DGKB: variants seen among roughly 807,000 people sequenced by gnomAD.
DGKB encodes diacylglycerol kinase beta.
DGKB carries 67 observed loss-of-function variants against 114.3 expected under a neutral mutation model. The observed-to-expected ratio is 0.59, with a 90% CI of 0.48 to 0.72. DGKB has a LOEUF of 0.72. Ranked by LOEUF, DGKB falls within the 30% of genes least tolerant of loss-of-function variation. DGKB has a pLI of 0.00. For missense variants in DGKB, 907 were observed against 975.2 expected, an observed-to-expected ratio of 0.93 and a Z score of 0.93; for synonymous variants, 398 against 323.1, an observed-to-expected ratio of 1.23 and a Z score of -2.49.
chr7:14,924,937 CCT>C (rs1216946705), intron 1 of DGKB, among the ~76,000 whole-genome samples: 2 of 152,112 alleles, frequency 1.3e-5, no homozygotes, highest in African/African-American at 4.8e-5. Context: ...CTCTCCTTCC[CCT>C]GTCCCCAACC....
intron 1 of DGKB, among the ~76,000 whole-genome samples, chr7:14,861,139 C>G (rs1231633559): frequency 6.6e-6 from 1 of 151,926 alleles, no homozygotes; most frequent in Non-Finnish European, 1.5e-5. Flanking sequence ...TCCTAGACCA[C>G]TGAAATTCTC....
intron 17 of DGKB, among the ~76,000 whole-genome samples, chr7:14,594,676 G>A (rs147944422): frequency 7.9e-5 from 12 of 152,152 alleles, no homozygotes; most frequent in South Asian, 4.1e-4. Context: ...CCATTCTGTC[G>A]TGTGAATGAT....
chr7:14,269,326 G>C (rs1243509688), intron 23 of DGKB: 3 of 152,134 alleles, frequency 2.0e-5, no homozygotes, highest in Non-Finnish European at 4.4e-5. Context: ...CACACTCCAG[G>C]AGAGGGAAAT....
chr7:14,795,784 T>C (rs1841324669), intron 2 of DGKB, among the ~76,000 whole-genome samples: 1 of 152,154 alleles, frequency 6.6e-6, no homozygotes, highest in African/African-American at 2.4e-5. Context: ...GGCTTACTGA[T>C]TATGGCATTT....
upstream of DGKB, among the ~76,000 whole-genome samples, chr7:14,905,790 T>C (rs114359796): frequency 0.02 from 2,976 of 152,282 alleles, 98 homozygotes; most frequent in African/African-American, 0.068. Flanking sequence ...CCAAAGTGCT[T>C]AGAAAGTGGT....
chr7:14,681,056 G>A (rs1467237183), intron 12 of DGKB, among the ~76,000 whole-genome samples: 1 of 151,558 alleles, frequency 6.6e-6, no homozygotes, highest in Non-Finnish European at 1.5e-5. Flanking sequence ...AAAAATAAGA[G>A]GAAGCTCCCT....
intron 21 of DGKB, among the ~76,000 whole-genome samples, chr7:14,472,208 T>C (rs1232444097): frequency 6.6e-6 from 1 of 152,194 alleles, no homozygotes; most frequent in Non-Finnish European, 1.5e-5. Context: ...CCAAATCTCA[T>C]CTTGAATTTC....
chr7:14,438,067 T>C (rs1324783874), intron 21 of DGKB, among the ~76,000 whole-genome samples: 1 of 151,836 alleles, frequency 6.6e-6, no homozygotes, highest in Non-Finnish European at 1.5e-5. Context: ...AATTCTGAAG[T>C]TTCCAAGCAA....
intron 23 of DGKB, among the ~76,000 whole-genome samples, chr7:14,233,707 AGAG>A (rs1792277473): frequency 6.6e-6 from 1 of 152,038 alleles, no homozygotes; most frequent in African/African-American, 2.4e-5. Flanking sequence ...AGGTAGTCCA[AGAG>A]GGAAATTATC....
At chr7:14,287,767 C>A (rs1801107946) in intron 23 of DGKB, among the ~76,000 whole-genome samples, 1 of 152,068 alleles carries the variant, frequency 6.6e-6, no homozygotes, top group African/African-American at 2.4e-5. Context: ...ATGGAGCTTT[C>A]CAGAAGTTGG....
intron 21 of DGKB, among the ~76,000 whole-genome samples, chr7:14,439,026 T>C (rs2128808158): frequency 6.6e-6 from 1 of 151,996 alleles, no homozygotes; most frequent in East Asian, 1.9e-4. Flanking sequence ...TTTCCAAGTT[T>C]CTTGTATTTC....
intron 4 of DGKB, among the ~76,000 whole-genome samples, chr7:14,752,403 A>G (rs1723231): frequency 0.36 from 54,047 of 151,948 alleles, 13,304 homozygotes; most frequent in African/African-American, 0.69. Context: ...TACAGAGTAC[A>G]AAGTGCGAAA....
chr7:14,959,044 TATG>T (rs1786686400), intron 1 of DGKB, among the ~76,000 whole-genome samples: 1 of 152,096 alleles, frequency 6.6e-6, no homozygotes, highest in Non-Finnish European at 1.5e-5. Context: ...TGGTGTTTTA[TATG>T]ATATTTTGTT....
intron 20 of DGKB, among the ~76,000 whole-genome samples, chr7:14,570,545 T>A (rs1467363070): frequency 6.6e-6 from 1 of 152,142 alleles, no homozygotes; most frequent in East Asian, 1.9e-4. Flanking sequence ...CCAATTAATA[T>A]ATATTTTGTA....
intron 2 of DGKB, among the ~76,000 whole-genome samples, chr7:14,820,634 A>G (rs1048497087): frequency 2.6e-5 from 4 of 152,334 alleles, no homozygotes; most frequent in South Asian, 4.1e-4. Flanking sequence ...AAAGTACAAG[A>G]AAACAGCAAA....
intron 1 of DGKB, among the ~76,000 whole-genome samples, chr7:14,854,809 C>T (rs1481309130): frequency 2.0e-5 from 3 of 152,024 alleles, no homozygotes; most frequent in Non-Finnish European, 4.4e-5. Flanking sequence ...AGAAGTTTAT[C>T]CACAGAATTA....
chr7:14,752,435 T>C (rs1401879007), intron 4 of DGKB, among the ~76,000 whole-genome samples: 2 of 151,872 alleles, frequency 1.3e-5, no homozygotes, highest in Non-Finnish European at 2.9e-5. Context: ...CCCTGTGGAG[T>C]TATGAAAGCG....
chr7:14,559,182 T>A (rs1274816830), intron 20 of DGKB, among the ~76,000 whole-genome samples: 1 of 152,224 alleles, frequency 6.6e-6, no homozygotes, highest in African/African-American at 2.4e-5. Context: ...GCATATAGAC[T>A]TTTTCTATCT....
intron 21 of DGKB, among the ~76,000 whole-genome samples, chr7:14,468,867 T>TA (rs1456215390): frequency 6.6e-6 from 1 of 152,060 alleles, no homozygotes; most frequent in East Asian, 1.9e-4. Context: ...TGTGTGTATA[T>TA]AAAATTTTTG....
Sources: allele counts gnomAD v4.1 joint callset (sites outside exome capture counted in the v4.1 genomes callset), GRCh38; gene constraint gnomAD v4.1.1; transcripts MANE v1.5; gene names NCBI Gene and HGNC (gene_info 2026-07-23, HGNC 2026-07-21).